VPS13C: variants seen among roughly 807,000 people sequenced by gnomAD.
VPS13C encodes intermembrane lipid transfer protein VPS13C.
A neutral mutation model predicts 456.8 loss-of-function variants in VPS13C; 358 were observed. The ratio of observed to expected loss-of-function variants is 0.78; its 90% CI spans 0.72 to 0.86. The LOEUF is 0.86. Ranked by LOEUF, VPS13C falls within the 40% of genes least tolerant of loss-of-function variation. VPS13C has a pLI of 0.00. For synonymous variants in VPS13C, 1,578 were observed against 1,486.7 expected, an observed-to-expected ratio of 1.06 and a Z score of -1.41; for missense variants, 4,818 against 4,385.4, an observed-to-expected ratio of 1.10 and a Z score of -2.79.
At position 62,012,039 on chromosome 15, in the gene VPS13C, T is replaced by C. The variant is rs989195061; in HGVS notation, c.883+68A>G. On this transcript the variant is annotated intron_variant, in intron 12 of 84. Transcript: ENST00000644861. ...ACTAAGTAAGTTTATCAGAAAACTATGTTAAAATAATGTATTTAATTCTAT... is the reference window on the plus strand; with the variant it reads ...ACTAAGTAAGTTTATCAGAAAACTACGTTAAAATAATGTATTTAATTCTAT... The C allele has an allele frequency of 1.4e-5, 14 of 977,104 alleles. No individual in the cohort carries two copies. In the Middle Eastern group the frequency reaches 9.0e-4, roughly 63 times the overall value. 60.5% of individuals were successfully genotyped at this position (977,104 alleles called of 1,614,324 possible).
intron 18 of VPS13C, among the ~76,000 whole-genome samples, chr15:61,987,213 A>T (rs1295068571): frequency 7.6e-6 from 1 of 130,946 alleles, no homozygotes; most frequent in African/African-American, 3.0e-5. Context: ...AAACACTCTT[A>T]AAAAAAAAAA....
intron 8 of VPS13C, among the ~76,000 whole-genome samples, chr15:62,021,190 G>T (rs886305060): frequency 2.6e-5 from 4 of 151,670 alleles, no homozygotes; most frequent in African/African-American, 9.7e-5. Context: ...TTATTAATGG[G>T]TACAATGTAT....
intron 51 of VPS13C, among the ~76,000 whole-genome samples, chr15:61,928,717 C>T (rs192388118): frequency 1.3e-5 from 2 of 151,394 alleles, no homozygotes; most frequent in African/African-American, 4.8e-5. Flanking sequence ...CCATGTTTAC[C>T]GAAAAACAAA....
Position 61,865,205 on chromosome 15 carries a change from G to A in VPS13C, c.10864-1677C>T, listed in dbSNP as rs1368624158. Reference sequence around the variant, plus strand: ...ATACTTTGCAAAAGCCCTTTACCCAGTAATTCAATTTTTTCAAGTAAATTC... The same window carrying A: ...ATACTTTGCAAAAGCCCTTTACCCAATAATTCAATTTTTTCAAGTAAATTC... On this transcript the variant is annotated intron_variant, in intron 81 of 84. Transcript: ENST00000644861. 5 of 984,392 alleles carry A rather than the reference G, an allele frequency of 5.1e-6. No individual in the cohort carries two copies. The African/African-American group carries it at 8.7e-5, about 17-fold the overall frequency. The allele number at this position is 984,392 out of a possible 1,614,324, so 61.0% of individuals were successfully genotyped here. A position where few individuals can be genotyped will look rare whatever the true frequency, so the allele number is the denominator to read the frequency against.
intron 61 of VPS13C, among the ~76,000 whole-genome samples, chr15:61,915,128 A>G (rs1430311046): frequency 6.6e-6 from 1 of 152,136 alleles, no homozygotes; most frequent in East Asian, 1.9e-4. Context: ...TGCAGCATAT[A>G]CAAAAGCCTA....
chr15:61,903,074 C>T (rs2043050191), intron 66 of VPS13C, among the ~76,000 whole-genome samples: 2 of 151,988 alleles, frequency 1.3e-5, no homozygotes, highest in Admixed American at 6.6e-5. Flanking sequence ...GCCTGCAATC[C>T]TAGCACTTTC....
chr15:62,003,246 G>C (rs1250974125), intron 15 of VPS13C, among the ~76,000 whole-genome samples: 2 of 151,008 alleles, frequency 1.3e-5, no homozygotes, highest in Non-Finnish European at 2.9e-5. Flanking sequence ...TCCTTTGTAA[G>C]TTGGATTCCT....
Position 61,868,702 on chromosome 15 carries a change from C to A in VPS13C, c.10820G>T (p.Arg3607Leu). 1.2e-6 allele frequency: 2 copies of A among 1,614,070 alleles called. No individual in the cohort carries two copies. The highest frequency in any genetic ancestry group is 1.7e-6 in the Non-Finnish European group (2 of 1,180,012). ...PRLIHEDGII[R>L]PYDRQESEGS... ...CTCAGATTCCTGTCTGTCATAAGGACGAATGATGCCATCTTCATGGATCAG... is the reference window on the plus strand; with the variant it reads ...CTCAGATTCCTGTCTGTCATAAGGAAGAATGATGCCATCTTCATGGATCAG... The change falls in exon 81 of 85, where the codon CGT (arginine) becomes CTT (leucine). Residue 3607 changes from arginine (R) to leucine (L), a missense_variant. Coordinates refer to ENST00000644861, the MANE Select transcript of VPS13C (RefSeq NM_020821.3).
intron 55 of VPS13C, among the ~76,000 whole-genome samples, chr15:61,920,968 C>A (rs1345978267): frequency 6.6e-6 from 1 of 152,096 alleles, no homozygotes; most frequent in African/African-American, 2.4e-5. Flanking sequence ...TGTTGACGAG[C>A]AATCTAAGAG....
At position 61,911,887 on chromosome 15, in the gene VPS13C, C is replaced by G. The variant is rs370562683; in HGVS notation, c.8668G>C (p.Asp2890His). 5.0e-5 allele frequency: 80 copies of G among 1,612,374 alleles called. 1 individual carries two copies. The highest frequency in any genetic ancestry group is 5.9e-5 in the Non-Finnish European group (70 of 1,179,094). The change falls in exon 63 of 85, where the codon GAT becomes CAT. Residue 2890 changes from aspartate to histidine, a missense_variant. Transcript: ENST00000644861. The part of the protein sequence containing the change: ...LELEVGEIAS[D>H]GSMPTNKWNY... ...CATTTATTAGTTGGCATTGAGCCAT[C>G]AGATGCAATCTCGCCAACTTCTAGT...
intron 1 of VPS13C, among the ~76,000 whole-genome samples, chr15:62,049,545 C>T (rs1393311828): frequency 5.9e-5 from 9 of 152,120 alleles, no homozygotes; most frequent in South Asian, 2.1e-4. Flanking sequence ...GTGATGTCTC[C>T]GGCTTTGTTC....
At chr15:61,998,954 C>G (rs1235193810) in intron 16 of VPS13C, among the ~76,000 whole-genome samples, 1 of 152,172 alleles carries the variant, frequency 6.6e-6, no homozygotes, top group African/African-American at 2.4e-5. Context: ...TTTCTTTTCT[C>G]TGGCTTACTT....
intron 39 of VPS13C, 76 bp downstream of exon 39, chr15:61,951,748 A>G (rs896116451): frequency 7.1e-6 from 10 of 1,411,796 alleles, no homozygotes; most frequent in East Asian, 2.4e-5. Flanking sequence ...ACAGAAATCA[A>G]TATGTTTAAT....
At chr15:62,013,426 A>T (rs2047116764) in intron 10 of VPS13C, among the ~76,000 whole-genome samples, 2 of 151,950 alleles carry the variant, frequency 1.3e-5, no homozygotes. Context: ...TGAAAAAAAA[A>T]AGACATGATC....
intron 51 of VPS13C, among the ~76,000 whole-genome samples, chr15:61,928,988 G>T (rs550875497): frequency 9.2e-5 from 14 of 152,224 alleles, no homozygotes; most frequent in South Asian, 8.3e-4. Context: ...TGATCTACTG[G>T]ATAATGCTGG....
intron 4 of VPS13C, among the ~76,000 whole-genome samples, chr15:62,034,751 TCAA>T (rs1055757744): frequency 1.8e-4 from 28 of 151,830 alleles, no homozygotes; most frequent in African/African-American, 4.8e-4. Context: ...AATTAAATTT[TCAA>T]CAACAACAAT....
At chr15:62,029,636 T>C (rs993487799) in intron 5 of VPS13C, among the ~76,000 whole-genome samples, 14 of 152,148 alleles carry the variant, frequency 9.2e-5, no homozygotes, top group African/African-American at 2.9e-4. Context: ...CTTATTATTA[T>C]GCAAATTTCT....
At chr15:62,018,639 T>C (rs1474521493) in intron 9 of VPS13C, among the ~76,000 whole-genome samples, 1 of 150,900 alleles carries the variant, frequency 6.6e-6, no homozygotes, top group Non-Finnish European at 1.5e-5. Context: ...GATGAAGCCT[T>C]CTTGTCCATG....
chr15:62,007,270 G>A (rs372496807), intron 15 of VPS13C, 38 bp downstream of exon 15: 16 of 1,361,542 alleles, frequency 1.2e-5, no homozygotes, highest in Non-Finnish European at 1.4e-5. Context: ...AGGATGATTA[G>A]ACAAATAATA....
Sources: gnomAD v4.1 joint callset for allele counts (sites outside exome capture counted in the v4.1 genomes callset) on GRCh38, gnomAD v4.1.1 for gene constraint, MANE v1.5 for transcripts, NCBI Gene and HGNC (gene_info 2026-07-23, HGNC 2026-07-21) for gene names.